The following SMARCC1 variants were observed in gnomAD, a reference collection of about 807,000 sequenced individuals.
The protein encoded by SMARCC1 is SWI/SNF related BAF chromatin remodeling complex subunit C1.
SMARCC1 carries 43 observed loss-of-function variants against 147.4 expected under a neutral mutation model. The observed-to-expected ratio is 0.29, with a 90% CI of 0.23 to 0.38. SMARCC1 has a LOEUF of 0.38. SMARCC1 is among the 10% of genes least tolerant of loss of function. SMARCC1 has a pLI of 1.00. For synonymous variants in SMARCC1, 495 were observed against 484.4 expected, an observed-to-expected ratio of 1.02 and a Z score of -0.29; for missense variants, 1,119 against 1,381.1, an observed-to-expected ratio of 0.81 and a Z score of 3.01.
intron 25 of SMARCC1, among the ~76,000 whole-genome samples, chr3:47,616,170 A>G (rs2032641279): frequency 6.6e-6 from 1 of 152,202 alleles, no homozygotes; most frequent in South Asian, 2.1e-4. Context: ...TCTCCAGGTA[A>G]TTTAGTCTAC....
intron 6 of SMARCC1, among the ~76,000 whole-genome samples, chr3:47,727,159 G>A (rs1281378836): frequency 6.6e-5 from 10 of 151,668 alleles, no homozygotes; most frequent in Admixed American, 2.0e-4. Flanking sequence ...GCTGCAGTGC[G>A]CCAAGATGAC....
At chr3:47,605,740 T>C (rs1466341294) in intron 26 of SMARCC1, among the ~76,000 whole-genome samples, 2 of 152,164 alleles carry the variant, frequency 1.3e-5, no homozygotes, top group Non-Finnish European at 2.9e-5. Flanking sequence ...GTCACTGCAC[T>C]CTAGCCTGGG....
chr3:47,700,265 T>C (rs2106786326), intron 11 of SMARCC1, among the ~76,000 whole-genome samples: 1 of 152,304 alleles, frequency 6.6e-6, no homozygotes, highest in East Asian at 1.9e-4. Context: ...AGTGAAATTC[T>C]ATAAACTTGG....
intron 2 of SMARCC1, among the ~76,000 whole-genome samples, chr3:47,754,122 T>C (rs1479765402): frequency 1.3e-5 from 2 of 152,162 alleles, no homozygotes; most frequent in African/African-American, 4.8e-5. Flanking sequence ...GTATTAGCAT[T>C]GACACCAATC....
intron 19 of SMARCC1, among the ~76,000 whole-genome samples, chr3:47,663,102 GAGGGAGGGAGGGAGGGAAGGA>G (rs1162447826): frequency 8.3e-6 from 1 of 120,336 alleles, no homozygotes; most frequent in African/African-American, 3.1e-5. Flanking sequence ...AGAAAAGAGG[GAGGGAGGGAGGGAGGGAAGGA>G]AGGGAGGGAG....
Position 47,722,431 on chromosome 3 carries a change from G to A in SMARCC1, c.647-1696C>T, listed in dbSNP as rs577318079. 2.0e-5 allele frequency among the ~76,000 whole-genome samples: 3 copies of A among 151,346 alleles called. No homozygotes were observed. In the South Asian group the frequency reaches 6.3e-4, roughly 32 times the overall value. On this transcript the variant is annotated intron_variant, in intron 6 of 27. Transcript: ENST00000254480. The stretch of plus-strand genomic sequence containing the variant: ...TCCTGCCTCAGCCTCCCAAGTAGCT[G>A]GGATTACAGGCATGCGCCACACCAT...
intron 2 of SMARCC1, among the ~76,000 whole-genome samples, chr3:47,756,010 A>G (rs1171989263): frequency 6.9e-6 from 1 of 145,474 alleles, no homozygotes; most frequent in Non-Finnish European, 1.5e-5. Context: ...AAAAAAAAAA[A>G]AAAAAAAAAA....
At chr3:47,763,798 A>G (rs917407145) in intron 2 of SMARCC1, among the ~76,000 whole-genome samples, 1 of 151,920 alleles carries the variant, frequency 6.6e-6, no homozygotes, top group African/African-American at 2.4e-5. Flanking sequence ...AGCCCACTGC[A>G]GCCTCAACCT....
chr3:47,606,917 A>G (rs897028203), intron 26 of SMARCC1, among the ~76,000 whole-genome samples: 1 of 147,592 alleles, frequency 6.8e-6, no homozygotes, highest in African/African-American at 2.5e-5. Flanking sequence ...TTCTCTCTAT[A>G]TTGCCCAGGC....
chr3:47,688,398 A>T (rs2033754456), intron 13 of SMARCC1, among the ~76,000 whole-genome samples: 1 of 151,774 alleles, frequency 6.6e-6, no homozygotes, highest in African/African-American at 2.4e-5. Flanking sequence ...CCTGTCATGC[A>T]TATGTTCATC....
Position 47,628,178 on chromosome 3 carries a change from C to T in SMARCC1, c.2647-5837G>A, listed in dbSNP as rs565042958. Among the ~76,000 whole-genome samples the T allele has an allele frequency of 4.6e-5, 7 of 152,260 alleles. No individual in the cohort carries two copies. The South Asian group carries it at 1.2e-3, about 27-fold the overall frequency. On this transcript the variant is annotated intron_variant, in intron 24 of 27. Coordinates refer to ENST00000254480, the MANE Select transcript of SMARCC1 (RefSeq NM_003074.4). ...CTACAACACTCTTTCCTTTCTGAAG[C>T]CCCATGTTTGGACACTTACTTGTCC...
chr3:47,781,094 G>A (rs1445926946), intron 1 of SMARCC1, among the ~76,000 whole-genome samples: 3 of 152,226 alleles, frequency 2.0e-5, no homozygotes, highest in South Asian at 2.1e-4. Context: ...GCACGATGAG[G>A]TAGAACCGTC....
At chr3:47,765,654 C>G (rs1228128100) in intron 2 of SMARCC1, among the ~76,000 whole-genome samples, 2 of 152,110 alleles carry the variant, frequency 1.3e-5, no homozygotes, top group African/African-American at 4.8e-5. Flanking sequence ...GATAGTCTCT[C>G]CATTCTGAAA....
chr3:47,680,693 GC>G (rs1365321897), intron 14 of SMARCC1, among the ~76,000 whole-genome samples, 185 bp from the exon 15 acceptor site: 1 of 149,974 alleles, frequency 6.7e-6, no homozygotes, highest in Admixed American at 6.6e-5. Flanking sequence ...GACTACAGGC[GC>G]CCGCCACTAC....
At chr3:47,760,920 G>A (rs1286723838) in intron 2 of SMARCC1, among the ~76,000 whole-genome samples, 1 of 151,952 alleles carries the variant, frequency 6.6e-6, no homozygotes. Flanking sequence ...ATCACTTGAG[G>A]TCAGTAGTTC....
intron 2 of SMARCC1, among the ~76,000 whole-genome samples, chr3:47,756,402 G>T (rs1458902191): frequency 6.6e-6 from 1 of 151,014 alleles, no homozygotes; most frequent in Non-Finnish European, 1.5e-5. Flanking sequence ...GCATGGTGGC[G>T]CATGCCTGTA....
At chr3:47,776,777 A>AT (rs1381654629) in intron 1 of SMARCC1, among the ~76,000 whole-genome samples, 1 of 151,754 alleles carries the variant, frequency 6.6e-6, no homozygotes, top group Non-Finnish European at 1.5e-5. Flanking sequence ...ATATATATAT[A>AT]TTTTTTCTTT....
intron 21 of SMARCC1, among the ~76,000 whole-genome samples, chr3:47,639,258 T>C (rs1249277112): frequency 6.6e-6 from 1 of 152,198 alleles, no homozygotes; most frequent in Non-Finnish European, 1.5e-5. Flanking sequence ...GACCCAGATA[T>C]TCACTGAAAT....
chr3:47,726,399 ACT>A lies in SMARCC1; in HGVS notation c.646+2624_646+2625del, dbSNP rs557699811. Among the ~76,000 whole-genome samples, 21 of 151,930 alleles carry A rather than the reference ACT, an allele frequency of 1.4e-4. 1 individual carries two copies. Among genetic ancestry groups the A allele is most frequent in the South Asian group, 6.2e-4 (3 of 4,832 alleles). On this transcript the variant is annotated intron_variant, in intron 6 of 27. Coordinates refer to ENST00000254480, the MANE Select transcript of SMARCC1 (RefSeq NM_003074.4). ...TGGTGGAACGCTTTTAAAGAGTTTA[ACT>A]CTATTTGGATTGCTTCATCATTATT...
Sources: allele counts gnomAD v4.1 joint callset (sites outside exome capture counted in the v4.1 genomes callset), GRCh38; gene constraint gnomAD v4.1.1; transcripts MANE v1.5; gene names NCBI Gene and HGNC (gene_info 2026-07-23, HGNC 2026-07-21).